FSTL5: variants seen among roughly 807,000 people sequenced by gnomAD.
The protein encoded by FSTL5 is follistatin like 5, also known as follistatin-related protein 5.
In FSTL5, 62 loss-of-function variants were observed where a neutral mutation model predicts 89.1. The ratio of observed to expected loss-of-function variants is 0.70; its 90% CI spans 0.57 to 0.86. FSTL5 has a LOEUF of 0.86. Ranked by LOEUF, FSTL5 falls within the 40% of genes least tolerant of loss-of-function variation. The pLI, the probability that FSTL5 is intolerant of heterozygous loss-of-function variation, is 0.00. For missense variants in FSTL5, 1,057 were observed against 1,001.6 expected (o/e 1.06, Z -0.75); for synonymous variants, 383 against 346.2 (o/e 1.11, Z -1.18).
chr4:162,077,238 G>A (rs576107747), intron 2 of FSTL5, among the ~76,000 whole-genome samples: 2 of 151,696 alleles, frequency 1.3e-5, no homozygotes, highest in Non-Finnish European at 2.9e-5. Flanking sequence ...AAGAAAGAGG[G>A]AGCCCAACTG....
At chr4:161,754,841 T>C (rs961941692) in intron 6 of FSTL5, among the ~76,000 whole-genome samples, 3 of 152,154 alleles carry the variant, frequency 2.0e-5, no homozygotes, top group East Asian at 3.8e-4. Flanking sequence ...ATCAGAAGTA[T>C]AGTATTCCAT....
At chr4:161,719,040 T>C (rs888278616) in intron 6 of FSTL5, among the ~76,000 whole-genome samples, 1 of 152,194 alleles carries the variant, frequency 6.6e-6, no homozygotes, top group African/African-American at 2.4e-5. Flanking sequence ...TTGATCGAAA[T>C]AATTAATATA....
chr4:161,833,735 TA>T (rs1730931029), intron 4 of FSTL5, among the ~76,000 whole-genome samples: 1 of 151,976 alleles, frequency 6.6e-6, no homozygotes. Context: ...ATTTGCTTGG[TA>T]GATCTTCCTC....
intron 6 of FSTL5, among the ~76,000 whole-genome samples, chr4:161,676,745 A>ATG (rs1737318989): frequency 6.7e-6 from 1 of 148,242 alleles, no homozygotes; most frequent in African/African-American, 2.6e-5. Flanking sequence ...AAATACATAC[A>ATG]CGCACACACA....
At chr4:161,645,276 T>A (rs1736113656) in intron 7 of FSTL5, among the ~76,000 whole-genome samples, 1 of 152,172 alleles carries the variant, frequency 6.6e-6, no homozygotes, top group Admixed American at 6.5e-5. Context: ...ATTATGTTTC[T>A]ATGTTAATAT....
intron 3 of FSTL5, among the ~76,000 whole-genome samples, chr4:161,995,025 A>G (rs1736247794): frequency 6.6e-6 from 1 of 152,108 alleles, no homozygotes; most frequent in Non-Finnish European, 1.5e-5. Context: ...TAGGTTTTAC[A>G]TTTAAGTCTT....
intron 4 of FSTL5, among the ~76,000 whole-genome samples, chr4:161,791,762 T>C (rs1374734739): frequency 6.6e-6 from 1 of 152,174 alleles, no homozygotes; most frequent in African/African-American, 2.4e-5. Flanking sequence ...TGAGTGAAAA[T>C]CAGGTAGCTA....
At chr4:161,717,491 T>C (rs1223729886) in intron 6 of FSTL5, among the ~76,000 whole-genome samples, 1 of 152,136 alleles carries the variant, frequency 6.6e-6, no homozygotes, top group Non-Finnish European at 1.5e-5. Context: ...TCATACCCCT[T>C]GCATAAATGA....
At chr4:162,038,965 G>A (rs572549451) in intron 2 of FSTL5, among the ~76,000 whole-genome samples, 1 of 151,706 alleles carries the variant, frequency 6.6e-6, no homozygotes, top group African/African-American at 2.4e-5. Context: ...GAGCCATAAA[G>A]TCCACACAGA....
intron 10 of FSTL5, among the ~76,000 whole-genome samples, chr4:161,527,095 G>T (rs1731248989): frequency 6.6e-6 from 1 of 152,140 alleles, no homozygotes; most frequent in South Asian, 2.1e-4. Context: ...TCTTCCATTT[G>T]TTTGTGTCCT....
At chr4:161,804,220 C>T (rs1334646539) in intron 4 of FSTL5, among the ~76,000 whole-genome samples, 4 of 151,888 alleles carry the variant, frequency 2.6e-5, no homozygotes, top group African/African-American at 9.7e-5. Flanking sequence ...TAATGCCACT[C>T]AGATAATACA....
rs1361075705 is a variant in FSTL5, at chr4:162,141,361, C to T, written c.-17+22254G>A. ...CGATCTCCTGACCTCGTGATCCGCC[C>T]GTCTCGGCCTCCCAAAGTGCTGGGA... On this transcript the variant is annotated intron_variant, in intron 1 of 15. Transcript: ENST00000306100. Among the ~76,000 whole-genome samples the T allele has an allele frequency of 5.7e-5, 5 of 87,740 alleles. 1 individual carries two copies. The highest frequency in any genetic ancestry group is 1.5e-4 in the African/African-American group (4 of 26,184). 57.6% of individuals were successfully genotyped at this position (87,740 alleles called of 152,430 possible).
chr4:161,924,267 G>A (rs1403764097), intron 3 of FSTL5, among the ~76,000 whole-genome samples: 1 of 151,168 alleles, frequency 6.6e-6, no homozygotes, highest in South Asian at 2.1e-4. Flanking sequence ...AATATTAAAA[G>A]ACTAAACATA....
intron 15 of FSTL5, among the ~76,000 whole-genome samples, chr4:161,446,368 T>G (rs1210271555): frequency 6.6e-6 from 1 of 152,092 alleles, no homozygotes; most frequent in East Asian, 1.9e-4. Context: ...ATTATTTATT[T>G]AATGGTATTG....
At chr4:161,755,694 T>TG (rs1163729320) in intron 6 of FSTL5, among the ~76,000 whole-genome samples, 2 of 152,082 alleles carry the variant, frequency 1.3e-5, no homozygotes, top group Non-Finnish European at 2.9e-5. Flanking sequence ...GATCACTGTC[T>TG]GTCTGAGATT....
At chr4:161,412,667 A>G (rs75866343) in intron 15 of FSTL5, among the ~76,000 whole-genome samples, 7,199 of 152,236 alleles carry the variant, frequency 0.047, 432 homozygotes, top group East Asian at 0.19. Flanking sequence ...AAAACAAAAC[A>G]AAACCAAAAC....
At chr4:161,928,045 G>A (rs1734176950) in intron 3 of FSTL5, among the ~76,000 whole-genome samples, 1 of 151,646 alleles carries the variant, frequency 6.6e-6, no homozygotes, top group South Asian at 2.1e-4. Context: ...ACCATTATGA[G>A]CTCAAGTCAA....
Position 161,386,446 on chromosome 4 carries a change from A to G in FSTL5, c.1845T>C (p.Phe615=), listed in dbSNP as rs749102343. The G allele has an allele frequency of 1.3e-6, 2 of 1,591,862 alleles. No individual in the cohort carries two copies. The highest frequency in any genetic ancestry group is 3.6e-5 in the Admixed American group (2 of 56,312). ...TTTLIITHMR[F]GFILHKDEAA... is the part of the protein sequence containing the mutation. ...CTTCATCTTTATGAAGAATAAATCC[A>G]AACCTGAAAAAAATGAAAATCAGAG... is the stretch of plus-strand genomic sequence containing the variant. The change falls in exon 16 of 16, where the codon TTT becomes TTC. Residue 615 remains phenylalanine, a synonymous_variant. Transcript: ENST00000306100.
intron 15 of FSTL5, among the ~76,000 whole-genome samples, chr4:161,446,995 T>C (rs556847436): frequency 4.0e-4 from 61 of 152,210 alleles, no homozygotes; most frequent in Admixed American, 1.4e-3. Flanking sequence ...CTTATATTTG[T>C]ATACCATAGC....
Sources: gnomAD v4.1 joint callset for allele counts (sites outside exome capture counted in the v4.1 genomes callset) on GRCh38, gnomAD v4.1.1 for gene constraint, MANE v1.5 for transcripts, NCBI Gene and HGNC (gene_info 2026-07-23, HGNC 2026-07-21) for gene names.